The following DGCR2 variants were observed in gnomAD, a reference collection of about 807,000 sequenced individuals.
DGCR2 encodes DiGeorge syndrome critical region gene 2.
Under a neutral mutation model 51.6 loss-of-function variants are expected in DGCR2, and 24 were observed. That is an observed-to-expected ratio of 0.47 (90% CI 0.34 to 0.65). DGCR2 has a LOEUF of 0.65. Among genes scored for constraint, DGCR2 ranks in the 30% least tolerant of loss-of-function variants. The probability of loss-of-function intolerance (pLI) is 0.01; values close to 1 mark genes in which losing one functional copy is unlikely to be tolerated. For synonymous variants in DGCR2, 340 were observed against 315.4 expected (o/e 1.08, Z -0.82); for missense variants, 765 against 772.1 (o/e 0.99, Z 0.11).
chr22:19,109,973 T>C (rs979642062), intron 1 of DGCR2, among the ~76,000 whole-genome samples: 4 of 152,256 alleles, frequency 2.6e-5, no homozygotes, highest in Non-Finnish European at 5.9e-5. Context: ...CAGGCAGTTC[T>C]GCCCAGTTCC....
chr22:19,065,222 A>G (rs544092862), intron 3 of DGCR2, 155 bp from the exon 4 acceptor site: 7 of 626,848 alleles, frequency 1.1e-5, no homozygotes, highest in South Asian at 5.9e-5. Flanking sequence ...CTGAAACCAC[A>G]TTGCAGAAAT....
intron 1 of DGCR2, among the ~76,000 whole-genome samples, chr22:19,092,608 G>A (rs995387044): frequency 4.6e-5 from 7 of 152,174 alleles, no homozygotes; most frequent in Admixed American, 1.3e-4. Flanking sequence ...GGCACAAATA[G>A]CTTCAATGGA....
chr22:19,063,319 G>A (rs759637237), intron 4 of DGCR2, 41 bp from the exon 5 acceptor site: 5 of 1,579,058 alleles, frequency 3.2e-6, no homozygotes, highest in Admixed American at 1.7e-5. Context: ...TCAGCGGCAG[G>A]AGGGATGCAA....
intron 2 of DGCR2, among the ~76,000 whole-genome samples, chr22:19,085,252 A>G (rs2083002237): frequency 6.6e-6 from 1 of 152,164 alleles, no homozygotes; most frequent in South Asian, 2.1e-4. Context: ...AAGTGGGCTA[A>G]CTCCCCATCT....
chr22:19,091,876 A>G (rs1248826020), intron 1 of DGCR2, among the ~76,000 whole-genome samples: 1 of 151,728 alleles, frequency 6.6e-6, no homozygotes, highest in East Asian at 2.0e-4. Context: ...AAAAAAAAGG[A>G]AATTACAAAA....
At chr22:19,111,306 A>G (rs1373472021) in intron 1 of DGCR2, among the ~76,000 whole-genome samples, 1 of 152,212 alleles carries the variant, frequency 6.6e-6, no homozygotes, top group Non-Finnish European at 1.5e-5. Context: ...AACTGTGAAC[A>G]CTAGCGATGC....
At chr22:19,042,903 G>A (rs1364926847) in intron 7 of DGCR2, among the ~76,000 whole-genome samples, 5 of 152,244 alleles carry the variant, frequency 3.3e-5, no homozygotes, top group African/African-American at 7.2e-5. Context: ...GAGAAAATGC[G>A]CATCCCCTGA....
At chr22:19,056,616 GAGA>G (rs1287322210) in intron 6 of DGCR2, 8 of 380,848 alleles carry the variant, frequency 2.1e-5, no homozygotes, top group Non-Finnish European at 3.8e-5. Flanking sequence ...GAGAAGCAGA[GAGA>G]AGGATGGCAG....
intron 7 of DGCR2, among the ~76,000 whole-genome samples, chr22:19,044,794 T>C (rs1464872442): frequency 3.3e-5 from 5 of 152,250 alleles, no homozygotes; most frequent in Non-Finnish European, 7.3e-5. Context: ...AGTTTAATAA[T>C]TTACATCTTC....
intron 2 of DGCR2, among the ~76,000 whole-genome samples, chr22:19,084,609 G>T (rs1461788078): frequency 4.3e-5 from 6 of 140,060 alleles, no homozygotes; most frequent in Non-Finnish European, 9.3e-5. Flanking sequence ...CCCGGCAGCC[G>T]CCCCGTCTGG....
intron 1 of DGCR2, among the ~76,000 whole-genome samples, chr22:19,112,467 G>T (rs2083327836): frequency 6.9e-6 from 1 of 145,106 alleles, no homozygotes. Context: ...TTTTGAGGCA[G>T]GTCTTGCTCT....
chr22:19,063,372 C>T (rs753803497), intron 4 of DGCR2, 94 bp from the exon 5 acceptor site: 22 of 1,152,546 alleles, frequency 1.9e-5, no homozygotes, highest in South Asian at 1.5e-4. Flanking sequence ...GACAGAGTCT[C>T]GCTCTGTCAC....
chr22:19,062,807 T>TCTCTCTCTCTCTCTCTCTCTCTCTC (rs397967453), intron 5 of DGCR2, among the ~76,000 whole-genome samples: 3 of 146,990 alleles, frequency 2.0e-5, no homozygotes, highest in Non-Finnish European at 3.1e-5. Context: ...TCTCTCTCTC[T>TCTCTCTCTCTCTCTCTCTCTCTCTC]ATCTGCCTGA....
chr22:19,060,364 G>C (rs1438707059), intron 5 of DGCR2, among the ~76,000 whole-genome samples: 2 of 152,166 alleles, frequency 1.3e-5, no homozygotes, highest in Non-Finnish European at 2.9e-5. Context: ...ACAAGATTTT[G>C]GGGGAGAAAA....
chr22:19,101,578 CA>C (rs1247746551), intron 1 of DGCR2, among the ~76,000 whole-genome samples: 3 of 151,484 alleles, frequency 2.0e-5, no homozygotes, highest in Non-Finnish European at 2.9e-5. Context: ...CCGTCTCTAC[CA>C]AAAGTACAAA....
chr22:19,104,329 ATTCT>A (rs2083239168), intron 1 of DGCR2, among the ~76,000 whole-genome samples: 1 of 152,116 alleles, frequency 6.6e-6, no homozygotes, highest in African/African-American at 2.4e-5. Context: ...TGCAATACAA[ATTCT>A]TTCTCTAGAT....
intron 1 of DGCR2, among the ~76,000 whole-genome samples, chr22:19,121,292 T>G (rs564913862): frequency 1.3e-5 from 2 of 152,246 alleles, no homozygotes; most frequent in African/African-American, 4.8e-5. Context: ...TCATTTTTTT[T>G]CTGCTGACTT....
chr22:19,042,213 A>G (rs886694309), intron 7 of DGCR2, among the ~76,000 whole-genome samples: 7 of 152,202 alleles, frequency 4.6e-5, no homozygotes, highest in Non-Finnish European at 8.8e-5. Flanking sequence ...CTGTGTGCCA[A>G]CACCCCTCTG....
intron 2 of DGCR2, among the ~76,000 whole-genome samples, chr22:19,073,538 A>T (rs2082840008): frequency 6.6e-6 from 1 of 152,224 alleles, no homozygotes. Flanking sequence ...AGACCCACTG[A>T]GGAGGCAGTG....
Sources: allele counts gnomAD v4.1 joint callset (sites outside exome capture counted in the v4.1 genomes callset), GRCh38; gene constraint gnomAD v4.1.1; transcripts MANE v1.5; gene names NCBI Gene and HGNC (gene_info 2026-07-23, HGNC 2026-07-21).